Variants in SLC30A9 observed in about 807,000 individuals in gnomAD.
SLC30A9 encodes solute carrier family 30 member 9.
Under a neutral mutation model 87.5 loss-of-function variants are expected in SLC30A9, and 58 were observed. The observed-to-expected ratio is 0.66, with a 90% CI of 0.54 to 0.82. The LOEUF is 0.82. Among genes scored for constraint, SLC30A9 ranks in the 40% least tolerant of loss-of-function variants. SLC30A9 has a pLI of 0.00. For missense variants in SLC30A9, 557 were observed against 679.1 expected, an observed-to-expected ratio of 0.82 and a Z score of 2.00; for synonymous variants, 234 against 233.0, an observed-to-expected ratio of 1.00 and a Z score of -0.04.
At chr4:42,030,652 A>T (rs1367234389) in intron 6 of SLC30A9, among the ~76,000 whole-genome samples, 1 of 149,288 alleles carries the variant, frequency 6.7e-6, no homozygotes, top group Non-Finnish European at 1.5e-5. Flanking sequence ...CATATTCTAT[A>T]GTCTTTTCCT....
At chr4:42,018,378 T>C (rs917772591) in intron 3 of SLC30A9, 4 of 1,261,716 alleles carry the variant, frequency 3.2e-6, no homozygotes, top group Non-Finnish European at 1.1e-6. Context: ...TGTCACAAAT[T>C]TTTTCAAAAG....
At chr4:42,080,693 C>G (rs1718716055) in intron 17 of SLC30A9, among the ~76,000 whole-genome samples, 1 of 152,200 alleles carries the variant, frequency 6.6e-6, no homozygotes, top group African/African-American at 2.4e-5. Flanking sequence ...AACAAAGACA[C>G]TCTTAGGCAG....
intron 9 of SLC30A9, among the ~76,000 whole-genome samples, chr4:42,050,511 A>T (rs1292854910): frequency 4.6e-5 from 7 of 152,214 alleles, no homozygotes; most frequent in Admixed American, 1.3e-4. Context: ...TTTTATTTCA[A>T]ACATTGAAGA....
chr4:42,089,651 A>G lies in SLC30A9; in HGVS notation c.*3525A>G, dbSNP rs1394347966. 2 of 152,304 alleles carry G rather than the reference A, an allele frequency of 1.3e-5. No homozygotes were observed. Among genetic ancestry groups the G allele is most frequent in the Non-Finnish European group, 2.9e-5 (2 of 68,122 alleles). The allele number at this position is 152,304 out of a possible 1,614,324, so 9.4% of individuals were successfully genotyped here. A position where few individuals can be genotyped will look rare whatever the true frequency, so the allele number is the denominator to read the frequency against. ...AGGCTGGTCTTGAACTGCCGACCTC[A>G]GGTGATCCGCCCTCCTCGGCTTCCC... On this transcript the variant is annotated 3_prime_UTR_variant, in exon 18 of 18. Transcript: ENST00000264451.
intron 4 of SLC30A9, among the ~76,000 whole-genome samples, 171 bp from the exon 5 acceptor site, chr4:42,022,667 T>G (rs1411609065): frequency 1.3e-5 from 2 of 152,164 alleles, no homozygotes; most frequent in African/African-American, 2.4e-5. Context: ...CTGTCTCTAT[T>G]TTTTGTATAC....
At chr4:42,080,506 G>A (rs1235965177) in intron 17 of SLC30A9, among the ~76,000 whole-genome samples, 3 of 152,182 alleles carry the variant, frequency 2.0e-5, no homozygotes, top group Non-Finnish European at 4.4e-5. Context: ...GTAGCATGAC[G>A]TGTTGCCAAC....
chr4:42,066,557 TC>T lies in SLC30A9; in HGVS notation c.1081del (p.Val362LeufsTer3). On this transcript the variant is annotated frameshift_variant, in exon 13 of 18. Coordinates refer to ENST00000264451, the MANE Select transcript of SLC30A9 (RefSeq NM_006345.4). LOFTEE classifies it high-confidence loss of function. ...GSLVSEGATL[L>X]VAVNELRRNA... Reference sequence around the variant, plus strand: ...TGAATGCTTTTCTTTTAGCAACACTTCTTGTTGCTGTAAATGAACTTCGTAG... The same window carrying T: ...TGAATGCTTTTCTTTTAGCAACACTTTTGTTGCTGTAAATGAACTTCGTAG... 1 of 1,601,714 alleles carries T rather than the reference TC, an allele frequency of 6.2e-7. No individual in the cohort carries two copies. The highest frequency in any genetic ancestry group is 8.5e-7 in the Non-Finnish European group (1 of 1,171,714).
At chr4:42,009,903 TTCACTCCTCTCTGC>T (rs1715368852) in intron 2 of SLC30A9, among the ~76,000 whole-genome samples, 1 of 152,234 alleles carries the variant, frequency 6.6e-6, no homozygotes, top group Non-Finnish European at 1.5e-5. Flanking sequence ...CCTTTTTCCC[TTCACTCCTCTCTGC>T]CCTGCTCTCT....
intron 3 of SLC30A9, 84 bp downstream of exon 3, chr4:42,018,254 G>A: frequency 1.2e-6 from 1 of 809,058 alleles, no homozygotes. Flanking sequence ...GCTCTTTATA[G>A]TTATATTATT....
intron 8 of SLC30A9, among the ~76,000 whole-genome samples, chr4:42,042,650 T>G (rs920242572): frequency 6.6e-6 from 1 of 152,152 alleles, no homozygotes; most frequent in Non-Finnish European, 1.5e-5. Context: ...GGGCGCAGCT[T>G]CAGCAGACTT....
intron 1 of SLC30A9, among the ~76,000 whole-genome samples, chr4:41,999,215 G>A (rs372656793): frequency 2.6e-5 from 4 of 152,234 alleles, no homozygotes; most frequent in South Asian, 2.1e-4. Context: ...GGTAATTAAC[G>A]TATTATTTTG....
At chr4:42,042,378 G>A (rs769876520) in intron 8 of SLC30A9, among the ~76,000 whole-genome samples, 3 of 152,090 alleles carry the variant, frequency 2.0e-5, no homozygotes, top group Non-Finnish European at 4.4e-5. Flanking sequence ...GTGTGTGTTG[G>A]GGAGTTGGGG....
At chr4:42,058,154 T>G (rs2153139441) in intron 9 of SLC30A9, among the ~76,000 whole-genome samples, 1 of 151,646 alleles carries the variant, frequency 6.6e-6, no homozygotes, top group East Asian at 1.9e-4. Flanking sequence ...AAATCACCTC[T>G]TGAATGCTTT....
chr4:42,058,487 T>C (rs1281316231), intron 9 of SLC30A9, among the ~76,000 whole-genome samples: 1 of 152,212 alleles, frequency 6.6e-6, no homozygotes, highest in Non-Finnish European at 1.5e-5. Flanking sequence ...AGTTCCAAAG[T>C]TGCTTCCACA....
intron 16 of SLC30A9, 70 bp downstream of exon 16, chr4:42,075,856 AT>A (rs945758701): frequency 8.0e-5 from 117 of 1,467,646 alleles, no homozygotes; most frequent in Middle Eastern, 6.0e-4. Flanking sequence ...ACAAAATGAA[AT>A]TTTTTTTTAT....
At chr4:42,038,346 C>G (rs867515613) in intron 7 of SLC30A9, among the ~76,000 whole-genome samples, 2 of 152,070 alleles carry the variant, frequency 1.3e-5, no homozygotes, top group African/African-American at 2.4e-5. Context: ...TTTTGCCCCT[C>G]CCATGAGTTC....
chr4:41,990,807 GGGCCAGGCTGGGCTCGGC>G, intron 1 of SLC30A9, 47 bp downstream of exon 1: 2 of 1,373,344 alleles, frequency 1.5e-6, no homozygotes, highest in Non-Finnish European at 2.0e-6. Flanking sequence ...CCGAACTGGA[GGGCCAGGCTGGGCTCGGC>G]GCCTCGCCTG....
intron 9 of SLC30A9, among the ~76,000 whole-genome samples, chr4:42,054,016 A>G (rs906037228): frequency 6.6e-6 from 1 of 152,198 alleles, no homozygotes; most frequent in African/African-American, 2.4e-5. Flanking sequence ...GTGTCTTCAT[A>G]GGAATATATG....
In SLC30A9 at chr4:42,025,703, T is replaced by C. The variant is rs979287583; in HGVS notation, c.610+2319T>C. 1.6e-4 allele frequency among the ~76,000 whole-genome samples: 24 copies of C among 152,314 alleles called. 1 individual carries two copies. Among genetic ancestry groups the C allele is most frequent in the African/African-American group, 5.1e-4 (21 of 41,576 alleles). On this transcript the variant is annotated intron_variant, in intron 6 of 17. Coordinates refer to ENST00000264451, the MANE Select transcript of SLC30A9 (RefSeq NM_006345.4). The stretch of plus-strand genomic sequence containing the variant: ...TTTTTCGAGACAGAGTCTTGCTGTG[T>C]CACCCAGGCTGGAGTGCAGTGGCGC...
Sources: gnomAD v4.1 joint callset for allele counts (sites outside exome capture counted in the v4.1 genomes callset) on GRCh38, gnomAD v4.1.1 for gene constraint, MANE v1.5 for transcripts, NCBI Gene and HGNC (gene_info 2026-07-23, HGNC 2026-07-21) for gene names.